PLXNA4: variants seen among roughly 807,000 people sequenced by gnomAD.
PLXNA4 encodes plexin-A4.
In PLXNA4, 44 loss-of-function variants were observed where a neutral mutation model predicts 191.8. That is an observed-to-expected ratio of 0.23 (90% confidence interval 0.18 to 0.29). The LOEUF (loss-of-function observed/expected upper bound fraction) is 0.29. Ranked by LOEUF, PLXNA4 falls within the 10% of genes least tolerant of loss-of-function variation. The probability of loss-of-function intolerance (pLI) is 1.00; values close to 1 mark genes in which losing one functional copy is unlikely to be tolerated. For synonymous variants in PLXNA4, 1,082 were observed against 1,009.5 expected (o/e 1.07, Z -1.36); for missense variants, 1,800 against 2,488.8 (o/e 0.72, Z 5.89).
intron 27 of PLXNA4, 30 bp downstream of exon 27, chr7:132,147,870 G>A (rs1158460641): frequency 1.2e-6 from 2 of 1,613,382 alleles, no homozygotes; most frequent in Admixed American, 1.7e-5. Flanking sequence ...GGACACCCAG[G>A]CCTCCCTAGG....
chr7:132,223,981 G>A (rs1798230362), intron 8 of PLXNA4, among the ~76,000 whole-genome samples: 1 of 152,110 alleles, frequency 6.6e-6, no homozygotes, highest in Non-Finnish European at 1.5e-5. Flanking sequence ...CCTAAGAGTT[G>A]GGGCAAACAA....
At position 132,408,657 on chromosome 7, in the gene PLXNA4, G is replaced by A. The variant is rs575827495; in HGVS notation, c.1371+80635C>T. On this transcript the variant is annotated intron_variant, in intron 3 of 31. Coordinates refer to ENST00000321063, the MANE Select transcript of PLXNA4 (RefSeq NM_020911.2). ...TTTTTTCTATTTTTAGTAGAGATGG[G>A]GTTTCGCCATGCTGGCCAGGCTGGT... Among the ~76,000 whole-genome samples the A allele has an allele frequency of 5.1e-4, 77 of 152,090 alleles. 1 individual carries two copies. The highest frequency in any genetic ancestry group is 3.4e-3 in the Middle Eastern group (1 of 294).
At chr7:132,232,595 C>G (rs1363639529) in intron 5 of PLXNA4, among the ~76,000 whole-genome samples, 5 of 152,148 alleles carry the variant, frequency 3.3e-5, no homozygotes, top group Non-Finnish European at 7.4e-5. Context: ...GAGAAAGGCT[C>G]TAGGGCCCCT....
intron 3 of PLXNA4, among the ~76,000 whole-genome samples, chr7:132,365,329 G>GTT (rs1491408022): frequency 2.8e-3 from 157 of 56,574 alleles, no homozygotes; most frequent in African/African-American, 9.7e-3. Context: ...TACGGCCCGC[G>GTT]TGTGTGTGTG....
intron 25 of PLXNA4, among the ~76,000 whole-genome samples, chr7:132,157,641 C>T (rs1015421089): frequency 6.6e-6 from 1 of 152,312 alleles, no homozygotes; most frequent in Middle Eastern, 3.4e-3. Flanking sequence ...CACAGCTCCC[C>T]CTCTTGGCCC....
intron 1 of PLXNA4, among the ~76,000 whole-genome samples, chr7:132,553,425 C>A (rs1800652923): frequency 6.6e-6 from 1 of 152,086 alleles, no homozygotes; most frequent in Non-Finnish European, 1.5e-5. Flanking sequence ...GGTCATCAGC[C>A]CAGGGGGAGA....
chr7:132,333,137 G>A (rs1461852431), intron 3 of PLXNA4, among the ~76,000 whole-genome samples: 1 of 152,206 alleles, frequency 6.6e-6, no homozygotes, highest in Non-Finnish European at 1.5e-5. Flanking sequence ...TGATGCTGTG[G>A]TCGGAAACTA....
intron 1 of PLXNA4, among the ~76,000 whole-genome samples, chr7:132,544,401 G>T (rs1022105425): frequency 6.6e-6 from 1 of 152,242 alleles, no homozygotes; most frequent in Non-Finnish European, 1.5e-5. Context: ...AAGTGAAATT[G>T]GCTGACAGCA....
chr7:132,586,176 G>A (rs1191785499), intron 2 of PLXNA4, among the ~76,000 whole-genome samples: 1 of 152,096 alleles, frequency 6.6e-6, no homozygotes, highest in Non-Finnish European at 1.5e-5. Context: ...GTTTTCTTAG[G>A]GTATATGTCA....
chr7:132,348,352 T>C (rs1445265539), intron 3 of PLXNA4, among the ~76,000 whole-genome samples: 1 of 152,176 alleles, frequency 6.6e-6, no homozygotes, highest in Non-Finnish European at 1.5e-5. Flanking sequence ...ACCTAAGATG[T>C]CACTAGCATT....
intron 3 of PLXNA4, among the ~76,000 whole-genome samples, chr7:132,391,692 C>T (rs1426512435): frequency 6.6e-6 from 1 of 152,156 alleles, no homozygotes; most frequent in Non-Finnish European, 1.5e-5. Context: ...GAATTAATCT[C>T]CAACCTCTAT....
intron 1 of PLXNA4, among the ~76,000 whole-genome samples, chr7:132,515,343 G>A (rs948685865): frequency 1.3e-5 from 2 of 152,170 alleles, no homozygotes; most frequent in Non-Finnish European, 2.9e-5. Context: ...GTCCACTGAA[G>A]CCAGCTCTAT....
At chr7:132,220,399 C>T (rs1453154212) in intron 9 of PLXNA4, among the ~76,000 whole-genome samples, 2 of 152,196 alleles carry the variant, frequency 1.3e-5, no homozygotes, top group African/African-American at 4.8e-5. Context: ...CCCATTAGAG[C>T]TTCCTTTTCT....
intron 3 of PLXNA4, among the ~76,000 whole-genome samples, chr7:132,433,025 C>T (rs1190768914): frequency 1.3e-5 from 2 of 152,200 alleles, no homozygotes; most frequent in African/African-American, 4.8e-5. Context: ...GGCTCTTACA[C>T]ATAGGAGGTT....
chr7:132,526,521 G>GC (rs1799407520), intron 1 of PLXNA4, among the ~76,000 whole-genome samples: 1 of 152,122 alleles, frequency 6.6e-6, no homozygotes, highest in Non-Finnish European at 1.5e-5. Flanking sequence ...AGACTCAAAG[G>GC]CCCCGCCAAC....
chr7:132,262,454 C>T (rs1234563247), intron 4 of PLXNA4, among the ~76,000 whole-genome samples: 1 of 152,098 alleles, frequency 6.6e-6, no homozygotes, highest in Non-Finnish European at 1.5e-5. Flanking sequence ...CCTTGATGGG[C>T]TTTTTCCCCT....
At chr7:132,242,438 C>T (rs997375978) in intron 4 of PLXNA4, among the ~76,000 whole-genome samples, 2 of 152,164 alleles carry the variant, frequency 1.3e-5, no homozygotes, top group Non-Finnish European at 1.5e-5. Context: ...TTGTAACTCA[C>T]GCACAGGCAA....
chr7:132,576,390 C>G lies in PLXNA4; in HGVS notation c.-87+32G>C, dbSNP rs1802238521. 2 of 985,660 alleles carry G rather than the reference C, an allele frequency of 2.0e-6. No homozygotes were observed. Among genetic ancestry groups the G allele is most frequent in the Non-Finnish European group, 1.2e-6 (1 of 829,980 alleles). The allele number at this position is 985,660 out of a possible 1,614,324, so 61.1% of individuals were successfully genotyped here. On this transcript the variant is annotated intron_variant, in intron 1 of 31. Transcript: ENST00000321063. This position sits in a 1 kb window ranked among gnomAD's most constrained non-coding sequence, Gnocchi z 5.8. Reference sequence around the variant, plus strand: ...GACCTTGCTGCCCTCGCCGCCCGCCCGGCCCCACTCCCCGGCGGGCCGGCT... The same window carrying G: ...GACCTTGCTGCCCTCGCCGCCCGCCGGGCCCCACTCCCCGGCGGGCCGGCT...
chr7:132,614,243 G>C (rs746495292), intron 2 of PLXNA4, among the ~76,000 whole-genome samples: 1 of 152,026 alleles, frequency 6.6e-6, no homozygotes, highest in Non-Finnish European at 1.5e-5. Flanking sequence ...CAATATAAAC[G>C]ATTATTGAGG....
Sources: allele counts gnomAD v4.1 joint callset (sites outside exome capture counted in the v4.1 genomes callset), GRCh38; gene constraint gnomAD v4.1.1; non-coding constraint Gnocchi (gnomAD v3.1); transcripts MANE v1.5; gene names NCBI Gene and HGNC (gene_info 2026-07-23, HGNC 2026-07-21).